RPTOR: variants seen among roughly 807,000 people sequenced by gnomAD.
The protein encoded by RPTOR is regulatory associated protein of MTOR complex 1.
Under a neutral mutation model 169.9 loss-of-function variants are expected in RPTOR, and 21 were observed. The ratio of observed to expected loss-of-function variants is 0.12; its 90% CI spans 0.09 to 0.18. The LOEUF is 0.18. RPTOR is among the 10% of genes least tolerant of loss of function. The pLI, the probability that RPTOR is intolerant of heterozygous loss-of-function variation, is 1.00. For synonymous variants in RPTOR, 732 were observed against 753.2 expected (o/e 0.97, Z 0.46); for missense variants, 1,133 against 1,855.9 (o/e 0.61, Z 7.16).
At chr17:80,622,040 T>A (rs975643331) in intron 1 of RPTOR, among the ~76,000 whole-genome samples, 18 of 152,340 alleles carry the variant, frequency 1.2e-4, no homozygotes, top group Admixed American at 3.3e-4. Context: ...TTAAGGCCTA[T>A]TCTCTTTGCA....
At position 80,882,210 on chromosome 17, in the gene RPTOR, C is replaced by T. The variant is rs369459164; in HGVS notation, c.1585-1209C>T. Among the ~76,000 whole-genome samples the T allele has an allele frequency of 1.6e-4, 24 of 152,160 alleles. No homozygotes were observed. In the East Asian group the frequency reaches 2.7e-3, roughly 17 times the overall value. On this transcript the variant is annotated intron_variant, in intron 14 of 33. Coordinates refer to ENST00000306801, the MANE Select transcript of RPTOR (RefSeq NM_020761.3). ...CGTTCACCATGTAGCCAGCATGGTTCAGAATGAGAGGAGAATAAGTAGAGA... is the reference window on the plus strand; with the variant it reads ...CGTTCACCATGTAGCCAGCATGGTTTAGAATGAGAGGAGAATAAGTAGAGA...
rs374210888 is a variant in RPTOR at position 80,846,530 on chromosome 17, G to A, written c.1270G>A (p.Val424Met). The part of the protein sequence containing the change: ...TAFQVWLTMG[V>M]ENRNPPEQLP... ...ATTCCAGGTGTGGCTCACCATGGGC[G>A]TGGAGAACCGAAACCCACCCGAACA... is the stretch of plus-strand genomic sequence containing the variant. The change falls in exon 11 of 34, where the codon GTG (valine) becomes ATG (methionine). Residue 424 changes from valine to methionine, a missense_variant. Coordinates refer to ENST00000306801, the MANE Select transcript of RPTOR (RefSeq NM_020761.3). 5.0e-5 allele frequency: 81 copies of A among 1,614,110 alleles called. No homozygotes were observed. The African/African-American group carries it at 9.1e-4, about 18-fold the overall frequency.
At chr17:80,787,358 C>G (rs537878487) in intron 6 of RPTOR, among the ~76,000 whole-genome samples, 7 of 152,334 alleles carry the variant, frequency 4.6e-5, no homozygotes, top group African/African-American at 1.7e-4. Flanking sequence ...ATATGCCACA[C>G]TGTGTGCACC....
At chr17:80,791,374 C>A in intron 6 of RPTOR, 76 bp from the exon 7 acceptor site, 2 of 1,380,174 alleles carry the variant, frequency 1.4e-6, no homozygotes, top group South Asian at 1.2e-5. Context: ...TAACTCTTCC[C>A]TTTTTCTGCA....
At chr17:80,842,513 A>G (rs1414847786) in intron 10 of RPTOR, among the ~76,000 whole-genome samples, 1 of 152,196 alleles carries the variant, frequency 6.6e-6, no homozygotes, top group African/African-American at 2.4e-5. Context: ...AGCACTCTGC[A>G]AAGTGGCTGA....
Position 80,753,865 on chromosome 17 carries a change from A to G in RPTOR, c.655-145A>G, listed in dbSNP as rs2066654368. On this transcript the variant is annotated intron_variant, in intron 5 of 33. Coordinates refer to ENST00000306801, the MANE Select transcript of RPTOR (RefSeq NM_020761.3). ...TGTCTCTGGAGACAGTTCAGCAGCG[A>G]CGCCTCTCTCCAGAGGACTTTCCAG... is the stretch of plus-strand genomic sequence containing the variant. 1.8e-5 allele frequency: 14 copies of G among 757,082 alleles called. No homozygotes were observed. The South Asian group carries it at 2.3e-4, about 13-fold the overall frequency. The allele number at this position is 757,082 out of a possible 1,614,324, so 46.9% of individuals were successfully genotyped here.
intron 4 of RPTOR, among the ~76,000 whole-genome samples, chr17:80,725,730 G>A (rs911789044): frequency 1.3e-5 from 2 of 152,204 alleles, no homozygotes; most frequent in African/African-American, 2.4e-5. Context: ...GATGGGAAAT[G>A]AGGTCTGCAT....
chr17:80,778,849 G>T (rs367830634), intron 6 of RPTOR, among the ~76,000 whole-genome samples: 1 of 152,192 alleles, frequency 6.6e-6, no homozygotes, highest in Non-Finnish European at 1.5e-5. Context: ...GTAAAATCAC[G>T]AGACCTCAGA....
intron 13 of RPTOR, among the ~76,000 whole-genome samples, chr17:80,863,082 C>A (rs1045253238): frequency 2.6e-5 from 4 of 152,170 alleles, no homozygotes; most frequent in African/African-American, 9.7e-5. Context: ...ATGGGGAGGC[C>A]TTAAAGAAGG....
chr17:80,943,553 G>A (rs1278960401), intron 25 of RPTOR, among the ~76,000 whole-genome samples: 2 of 152,166 alleles, frequency 1.3e-5, no homozygotes, highest in South Asian at 2.1e-4. Context: ...TGCAAAGGGC[G>A]CCAACTTCTG....
chr17:80,949,582 T>C (rs945454105), intron 28 of RPTOR, 35 bp downstream of exon 28: 20 of 1,561,146 alleles, frequency 1.3e-5, no homozygotes, highest in Non-Finnish European at 1.8e-5. Flanking sequence ...GAGCAGAATG[T>C]GTTCCCGGGG....
intron 6 of RPTOR, among the ~76,000 whole-genome samples, chr17:80,790,870 G>A (rs548186614): frequency 3.3e-5 from 5 of 152,290 alleles, no homozygotes; most frequent in Admixed American, 3.3e-4. Context: ...CCAGTAGCCC[G>A]GATGGGAGGA....
intron 24 of RPTOR, among the ~76,000 whole-genome samples, chr17:80,926,114 C>T (rs1003978185): frequency 8.5e-5 from 13 of 152,234 alleles, no homozygotes; most frequent in Non-Finnish European, 1.0e-4. Context: ...CCTCTTCCCT[C>T]ATATATAATT....
In RPTOR at chr17:80,845,372, G is replaced by C. The variant is rs919719909; in HGVS notation, c.1213-1101G>C. Reference sequence around the variant, plus strand: ...CTCACCCGCGCGCCTTCTCTGTCCAGCTGCAACCCCTCCTCCCGCCCTCAC... The same window carrying C: ...CTCACCCGCGCGCCTTCTCTGTCCACCTGCAACCCCTCCTCCCGCCCTCAC... On this transcript the variant is annotated intron_variant, in intron 10 of 33. Transcript: ENST00000306801. The surrounding 1 kb of genome is among the most constrained non-coding windows in gnomAD (Gnocchi z 5.4). 4.6e-5 allele frequency among the ~76,000 whole-genome samples: 7 copies of C among 152,200 alleles called. No homozygotes were observed. Among genetic ancestry groups the C allele is most frequent in the Admixed American group, 3.9e-4 (6 of 15,288 alleles).
At chr17:80,743,844 GTTA>G in intron 5 of RPTOR, among the ~76,000 whole-genome samples, 2 of 130,360 alleles carry the variant, frequency 1.5e-5, no homozygotes, top group African/African-American at 5.7e-5. Flanking sequence ...CACAGCCCTG[GTTA>G]CTAGCAGAGC....
chr17:80,554,623 A>C (rs1328667681), intron 1 of RPTOR, among the ~76,000 whole-genome samples: 1 of 152,248 alleles, frequency 6.6e-6, no homozygotes, highest in East Asian at 1.9e-4. Context: ...GGGCGCCTGT[A>C]GTCCCAGCTA....
intron 20 of RPTOR, among the ~76,000 whole-genome samples, chr17:80,905,356 G>A (rs1159401132): frequency 6.6e-6 from 1 of 151,752 alleles, no homozygotes. Context: ...GGAGGCCAAG[G>A]CAGGTGGATC....
intron 13 of RPTOR, among the ~76,000 whole-genome samples, chr17:80,866,752 C>CT (rs547977888): frequency 0.022 from 3,222 of 148,474 alleles, 66 homozygotes; most frequent in African/African-American, 0.054. Flanking sequence ...CACTATGCTT[C>CT]TTTTTTTTTT....
chr17:80,943,706 C>G (rs2069062680), intron 25 of RPTOR, among the ~76,000 whole-genome samples: 1 of 126,478 alleles, frequency 7.9e-6, no homozygotes, highest in South Asian at 2.5e-4. Flanking sequence ...GTCCTCTGAG[C>G]CAGACCAGAA....
Sources: gnomAD v4.1 joint callset for allele counts (sites outside exome capture counted in the v4.1 genomes callset) on GRCh38, gnomAD v4.1.1 for gene constraint, Gnocchi (gnomAD v3.1) non-coding constraint, MANE v1.5 for transcripts, NCBI Gene and HGNC (gene_info 2026-07-23, HGNC 2026-07-21) for gene names.